The following IRAG1 variants were observed in gnomAD, a reference collection of about 807,000 sequenced individuals.
The protein encoded by IRAG1 is IP3R-associated cGMP kinase substrate.
IRAG1 carries 62 observed loss-of-function variants against 106.2 expected under a neutral mutation model. The observed-to-expected ratio is 0.58, with a 90% CI of 0.48 to 0.72. The LOEUF is 0.72. Among genes scored for constraint, IRAG1 ranks in the 30% least tolerant of loss-of-function variants. The probability of loss-of-function intolerance (pLI) is 0.00; values close to 1 mark genes in which losing one functional copy is unlikely to be tolerated. For synonymous variants in IRAG1, 462 were observed against 443.9 expected (o/e 1.04, Z -0.51); for missense variants, 1,064 against 1,140.7 (o/e 0.93, Z 0.97).
chr11:10,606,689 T>C, intron 12 of IRAG1, 53 bp downstream of exon 12: 2 of 1,537,964 alleles, frequency 1.3e-6, no homozygotes, highest in Non-Finnish European at 1.8e-6. Flanking sequence ...ATGTTTTGAA[T>C]AAGCCCAGTC....
chr11:10,607,906 CAT>C (rs1393077253), intron 11 of IRAG1, among the ~76,000 whole-genome samples: 1 of 152,174 alleles, frequency 6.6e-6, no homozygotes, highest in Non-Finnish European at 1.5e-5. Context: ...CAACCCCACC[CAT>C]CAGGCCCTTG....
Position 10,647,611 on chromosome 11 carries a change from C to T in IRAG1, c.225+4414G>A, listed in dbSNP as rs1021778625. ...GAAGCTAGAGCCGGTGAAAATTGGGCTCTTACAGCTAACATGAGCCTCTTT... is the reference window on the plus strand; with the variant it reads ...GAAGCTAGAGCCGGTGAAAATTGGGTTCTTACAGCTAACATGAGCCTCTTT... On this transcript the variant is annotated intron_variant, in intron 2 of 20. Coordinates refer to ENST00000423302, the MANE Select transcript of IRAG1 (RefSeq NM_130385.4). The surrounding 1 kb of genome is among the most constrained non-coding windows in gnomAD (Gnocchi z 4.3). 1.3e-5 allele frequency among the ~76,000 whole-genome samples: 2 copies of T among 152,158 alleles called. No individual in the cohort carries two copies. The highest frequency in any genetic ancestry group is 2.9e-5 in the Non-Finnish European group (2 of 68,030).
chr11:10,650,242 T>G (rs890760220), intron 2 of IRAG1, among the ~76,000 whole-genome samples: 2 of 152,226 alleles, frequency 1.3e-5, no homozygotes, highest in African/African-American at 4.8e-5. Flanking sequence ...AATGTCTAAG[T>G]GACAGGTGTC....
At chr11:10,617,503 G>A (rs1243058353) in intron 10 of IRAG1, among the ~76,000 whole-genome samples, 2 of 152,182 alleles carry the variant, frequency 1.3e-5, no homozygotes, top group African/African-American at 4.8e-5. Context: ...AAAGTACAAA[G>A]AATGTATTAT....
intron 18 of IRAG1, chr11:10,589,246 A>G (rs1852369559): frequency 6.6e-6 from 1 of 152,224 alleles, no homozygotes; most frequent in African/African-American, 2.4e-5. Context: ...AGCTGAATAC[A>G]ACAGTCTCCA....
At chr11:10,660,120 A>T (rs142440499) in intron 1 of IRAG1, among the ~76,000 whole-genome samples, 8 of 152,314 alleles carry the variant, frequency 5.3e-5, no homozygotes, top group Admixed American at 2.6e-4. Flanking sequence ...GGGCCCTTCT[A>T]ACTTGTACTT....
At chr11:10,671,211 G>A (rs1228197198) in intron 1 of IRAG1, among the ~76,000 whole-genome samples, 1 of 152,108 alleles carries the variant, frequency 6.6e-6, no homozygotes, top group Non-Finnish European at 1.5e-5. Context: ...CTATTTGCAG[G>A]TGATATGATC....
intron 1 of IRAG1, among the ~76,000 whole-genome samples, chr11:10,656,607 G>C (rs895195044): frequency 6.6e-6 from 1 of 152,184 alleles, no homozygotes; most frequent in African/African-American, 2.4e-5. Flanking sequence ...CGCCTACTGA[G>C]CATCGGACAC....
chr11:10,671,714 AAAC>A (rs200448624), intron 1 of IRAG1, among the ~76,000 whole-genome samples: 2,178 of 140,864 alleles, frequency 0.015, 46 homozygotes, highest in African/African-American at 0.056. Flanking sequence ...TCTGTCTTAA[AAAC>A]AACAACAACA....
intron 3 of IRAG1, 61 bp downstream of exon 3, chr11:10,633,907 G>T: frequency 1.1e-6 from 1 of 937,766 alleles, no homozygotes; most frequent in Non-Finnish European, 1.6e-6. Flanking sequence ...AAATATAGCT[G>T]TCTGATCCTC....
intron 18 of IRAG1, among the ~76,000 whole-genome samples, chr11:10,586,388 C>T (rs900677293): frequency 6.6e-6 from 1 of 151,926 alleles, no homozygotes; most frequent in African/African-American, 2.4e-5. Flanking sequence ...TCCCCTCCCC[C>T]ACACCCTCTG....
intron 2 of IRAG1, among the ~76,000 whole-genome samples, chr11:10,641,770 G>A (rs1857531699): frequency 6.6e-6 from 1 of 152,182 alleles, no homozygotes; most frequent in South Asian, 2.1e-4. Flanking sequence ...TGAGCATGGG[G>A]TAGAAGATTG....
chr11:10,601,553 T>TA (rs1854015564), intron 14 of IRAG1, among the ~76,000 whole-genome samples: 1 of 152,162 alleles, frequency 6.6e-6, no homozygotes, highest in African/African-American at 2.4e-5. Flanking sequence ...ATCGACATAA[T>TA]AAACCAGGGC....
intron 14 of IRAG1, 115 bp from the exon 15 acceptor site, chr11:10,601,174 ACT>A (rs1853957470): frequency 2.8e-6 from 4 of 1,408,092 alleles, no homozygotes; most frequent in Non-Finnish European, 3.9e-6. Context: ...CAGGGACAAG[ACT>A]CTGCCCTCTG....
In IRAG1 at chr11:10,679,182, A is replaced by G. The variant is rs75523900; in HGVS notation, c.67+14354T>C. Among the ~76,000 whole-genome samples the G allele has an allele frequency of 7.6e-3, 1,161 of 152,330 alleles. 13 individuals carry two copies. The highest frequency in any genetic ancestry group is 0.026 in the African/African-American group (1,089 of 41,572). On this transcript the variant is annotated intron_variant, in intron 1 of 20. Transcript: ENST00000423302. ...ACTGTAGAAATAAGCAAAACAGGCA[A>G]TGATAACAATAACAACATTCTCTAT...
At chr11:10,590,593 A>G (rs1817905093) in intron 18 of IRAG1, among the ~76,000 whole-genome samples, 1 of 152,242 alleles carries the variant, frequency 6.6e-6, no homozygotes, top group Non-Finnish European at 1.5e-5. Context: ...TGTTTTACCA[A>G]GTGAGAAAAG....
chr11:10,680,323 G>GGGAA (rs1277908778), intron 1 of IRAG1, among the ~76,000 whole-genome samples: 97 of 86,614 alleles, frequency 1.1e-3, no homozygotes, highest in African/African-American at 3.4e-3. Context: ...GGAGGGAGGG[G>GGGAA]GGAAGGAAGG....
Position 10,604,479 on chromosome 11 carries a change from G to C in IRAG1, c.1669C>G (p.Gln557Glu), listed in dbSNP as rs1438147355. ...GTCAGGTTGCGTTCCCTTTCAGCCT[G>C]GTTAATTCTAGATTCCAGAGTGTAG... ...DSYTLESRIN[Q>E]AERERNLTEE... The change falls in exon 13 of 21, where the codon CAG becomes GAG. Residue 557 changes from glutamine (Q) to glutamate (E), a missense_variant. Physicochemically the swap from Gln to Glu is conservative, Grantham distance 29. Coordinates refer to ENST00000423302, the MANE Select transcript of IRAG1 (RefSeq NM_130385.4). 3.1e-6 allele frequency: 5 copies of C among 1,614,008 alleles called. No homozygotes were observed. The highest frequency in any genetic ancestry group is 4.2e-6 in the Non-Finnish European group (5 of 1,179,876).
At chr11:10,597,295 C>T (rs1173075381) in intron 15 of IRAG1, among the ~76,000 whole-genome samples, 1 of 152,006 alleles carries the variant, frequency 6.6e-6, no homozygotes, top group Non-Finnish European at 1.5e-5. Flanking sequence ...TATTCTTTTA[C>T]TCTGTTTTTG....
Sources: allele counts gnomAD v4.1 joint callset (sites outside exome capture counted in the v4.1 genomes callset), GRCh38; gene constraint gnomAD v4.1.1; non-coding constraint Gnocchi (gnomAD v3.1); transcripts MANE v1.5; gene names NCBI Gene and HGNC (gene_info 2026-07-23, HGNC 2026-07-21).